Variants in BLTP3B observed in about 807,000 individuals in gnomAD.
BLTP3B encodes the protein UHRF1 (ICBP90) binding protein 1-like.
At chr12:100,141,177 G>A in the BLTP3B span, among the ~76,000 whole-genome samples, 4 of 151,946 alleles carry the variant, frequency 2.6e-5, no homozygotes, top group African/African-American at 9.7e-5. Context: ...TTCAATGAGT[G>A]ATAACATTAA....
At chr12:100,132,580 A>G in the BLTP3B span, among the ~76,000 whole-genome samples, 1 of 152,224 alleles carries the variant, frequency 6.6e-6, no homozygotes, top group African/African-American at 2.4e-5. Flanking sequence ...CCTATCTGGA[A>G]GCCAGCACCA....
At chr12:100,053,183 TTA>T in the BLTP3B span, among the ~76,000 whole-genome samples, 2 of 151,820 alleles carry the variant, frequency 1.3e-5, no homozygotes, top group African/African-American at 4.8e-5. Flanking sequence ...GGCGGGTGGA[TTA>T]TCTGAGGTCA....
chr12:100,117,276 T>C, the BLTP3B span, among the ~76,000 whole-genome samples: 4 of 152,168 alleles, frequency 2.6e-5, no homozygotes, highest in Non-Finnish European at 4.4e-5. Context: ...TGGCAAATGC[T>C]ACATCAGCCA....
chr12:100,050,539 T>C, the BLTP3B span, among the ~76,000 whole-genome samples: 1 of 152,180 alleles, frequency 6.6e-6, no homozygotes, highest in Non-Finnish European at 1.5e-5. Context: ...ATGTTTTTCA[T>C]TAAAAGCTAG....
At chr12:100,048,497 T>C in the BLTP3B span, among the ~76,000 whole-genome samples, 1 of 152,130 alleles carries the variant, frequency 6.6e-6, no homozygotes, top group Non-Finnish European at 1.5e-5. Context: ...ATTGTGTACC[T>C]AACTATACAT....
At chr12:100,134,787 T>A in the BLTP3B span, among the ~76,000 whole-genome samples, 190 of 152,306 alleles carry the variant, frequency 1.2e-3, no homozygotes, top group Non-Finnish European at 2.1e-3. Context: ...CTCTGGATGG[T>A]CACCCATTAC....
chr12:100,091,677 G>C, the BLTP3B span, among the ~76,000 whole-genome samples: 1 of 150,442 alleles, frequency 6.6e-6, no homozygotes, highest in African/African-American at 2.5e-5. Flanking sequence ...TAAATTTTTT[G>C]TGTTTTTAGT....
the BLTP3B span, chr12:100,086,132 T>G: frequency 2.1e-6 from 1 of 470,514 alleles, no homozygotes; most frequent in African/African-American, 2.0e-5. Context: ...ACTTTCTTAA[T>G]GAAATACTGC....
chr12:100,102,976 G>A, the BLTP3B span: 2 of 655,380 alleles, frequency 3.1e-6, no homozygotes, highest in East Asian at 6.6e-5. Context: ...AAAGTGAGCA[G>A]AGTCATTTAA....
the BLTP3B span, chr12:100,037,178 A>G: frequency 1.1e-6 from 1 of 921,034 alleles, no homozygotes; most frequent in South Asian, 5.0e-5. Context: ...TTAAAATGTA[A>G]GCCTCTTTTC....
At chr12:100,138,891 G>C in the BLTP3B span, among the ~76,000 whole-genome samples, 1 of 151,322 alleles carries the variant, frequency 6.6e-6, no homozygotes, top group Non-Finnish European at 1.5e-5. Flanking sequence ...ACACACTAAT[G>C]TCTTGAGCTG....
At chr12:100,039,806 C>T in the BLTP3B span, 1 of 1,596,218 alleles carries the variant, frequency 6.3e-7, no homozygotes, top group Non-Finnish European at 8.5e-7. Context: ...AAACAAATAA[C>T]ATGCTCAGAT....
the BLTP3B span, chr12:100,057,902 C>G: frequency 8.4e-6 from 11 of 1,302,796 alleles, no homozygotes; most frequent in Non-Finnish European, 1.1e-5. Flanking sequence ...GAAACATCTA[C>G]TCTTCTACAT....
chr12:100,142,850 G>A, the BLTP3B span: 1 of 606,642 alleles, frequency 1.6e-6, no homozygotes, highest in Non-Finnish European at 2.7e-6. Flanking sequence ...GCGCCATCTT[G>A]GCTGCAGCAT....
At chr12:100,067,074 C>T in the BLTP3B span, among the ~76,000 whole-genome samples, 1 of 152,082 alleles carries the variant, frequency 6.6e-6, no homozygotes, top group East Asian at 1.9e-4. Flanking sequence ...ATTAAATAAC[C>T]TGCTCCTGAA....
At chr12:100,091,183 ATTTTTT>A in the BLTP3B span, among the ~76,000 whole-genome samples, 12 of 81,218 alleles carry the variant, frequency 1.5e-4, no homozygotes, top group Admixed American at 3.2e-4. Context: ...CGCCTGGCTA[ATTTTTT>A]TTTTTTTTTT....
chr12:100,127,294 G>C, the BLTP3B span, among the ~76,000 whole-genome samples: 1 of 152,158 alleles, frequency 6.6e-6, no homozygotes, highest in Non-Finnish European at 1.5e-5. Context: ...CTTTCCCTTG[G>C]CAATTCTGTT....
chr12:100,044,964 CAGAG>C, the BLTP3B span, among the ~76,000 whole-genome samples: 6 of 151,130 alleles, frequency 4.0e-5, no homozygotes, highest in Admixed American at 4.0e-4. Context: ...AACAGACAAA[CAGAG>C]AGCCAAATCA....
chr12:100,132,152 T>C, the BLTP3B span, among the ~76,000 whole-genome samples: 1 of 152,188 alleles, frequency 6.6e-6, no homozygotes, highest in South Asian at 2.1e-4. Flanking sequence ...TTAAAACACA[T>C]GTAATTGATA....
Sources: allele counts gnomAD v4.1 joint callset (sites outside exome capture counted in the v4.1 genomes callset), GRCh38; gene constraint gnomAD v4.1.1; transcripts MANE v1.5; gene names NCBI Gene and HGNC (gene_info 2026-07-23, HGNC 2026-07-21).